Variants in ATP6V1G1 observed in about 807,000 individuals in gnomAD.
ATP6V1G1 encodes the protein V-type proton ATPase subunit G 1.
Under a neutral mutation model 14.2 loss-of-function variants are expected in ATP6V1G1, and 14 were observed. The observed-to-expected ratio is 0.99, with a 90% CI of 0.65 to 1.55. The LOEUF (loss-of-function observed/expected upper bound fraction) is 1.55, where lower values mean the gene tolerates loss of function less well. Among genes scored for constraint, ATP6V1G1 ranks in the 40% most tolerant of loss-of-function variants. The pLI is 0.00. For synonymous variants in ATP6V1G1, 65 were observed against 53.3 expected (o/e 1.22, Z -0.96); for missense variants, 137 against 146.4 (o/e 0.94, Z 0.33).
chr9:114,596,088 A>C (rs1845234667), intron 2 of ATP6V1G1, among the ~76,000 whole-genome samples: 2 of 152,108 alleles, frequency 1.3e-5, no homozygotes, highest in African/African-American at 4.8e-5. Flanking sequence ...TGAAATTGCT[A>C]AGAGAAACTG....
At position 114,597,613 on chromosome 9, in the gene ATP6V1G1, A is replaced by C; in HGVS notation, c.227A>C (p.Glu76Ala). Residue 76 changes from glutamate to alanine, a missense_variant, in exon 3 of 3, where the codon GAG (glutamate) becomes GCG (alanine). Transcript: ENST00000374050. Reference protein sequence around the residue: ...RGSCSTEVEKETQEKMTILQT... With the variant: ...RGSCSTEVEKATQEKMTILQT... ...AGTTGCAGCACTGAAGTGGAGAAGGAGACCCAGGAGAAGATGACCATCCTC... is the reference window on the plus strand; with the variant it reads ...AGTTGCAGCACTGAAGTGGAGAAGGCGACCCAGGAGAAGATGACCATCCTC... The C allele has an allele frequency of 6.4e-7, 1 of 1,565,926 alleles. No homozygotes were observed. The highest frequency in any genetic ancestry group is 2.4e-5 in the East Asian group (1 of 41,788).
intron 2 of ATP6V1G1, among the ~76,000 whole-genome samples, chr9:114,596,523 A>G (rs1175093059): frequency 6.6e-6 from 1 of 152,182 alleles, no homozygotes; most frequent in Non-Finnish European, 1.5e-5. Flanking sequence ...TATATTTGCA[A>G]GAATAGATGT....
At chr9:114,588,580 A>G (rs1845152854) in intron 1 of ATP6V1G1, among the ~76,000 whole-genome samples, 1 of 151,548 alleles carries the variant, frequency 6.6e-6, no homozygotes, top group Non-Finnish European at 1.5e-5. Flanking sequence ...CCAGTGCATC[A>G]GTTGTCTCCC....
At chr9:114,589,917 G>T (rs1845165898) in intron 1 of ATP6V1G1, among the ~76,000 whole-genome samples, 1 of 152,128 alleles carries the variant, frequency 6.6e-6, no homozygotes. Context: ...TATTAATTTG[G>T]CTGGGCGTGG....
At chr9:114,594,861 C>CTTTTTTTT (rs71997716) in intron 2 of ATP6V1G1, among the ~76,000 whole-genome samples, 8 of 110,554 alleles carry the variant, frequency 7.2e-5, no homozygotes, top group Admixed American at 2.0e-4. Context: ...TTCTTTTTTT[C>CTTTTTTTT]TTTTTTTTTT....
chr9:114,593,811 C>T (rs1845207628), intron 2 of ATP6V1G1, among the ~76,000 whole-genome samples: 1 of 152,056 alleles, frequency 6.6e-6, no homozygotes, highest in African/African-American at 2.4e-5. Flanking sequence ...TAAAACGTGG[C>T]TGGGCATAGT....
intron 1 of ATP6V1G1, among the ~76,000 whole-genome samples, chr9:114,590,473 T>G (rs1314197351): frequency 6.6e-6 from 1 of 151,726 alleles, no homozygotes; most frequent in Non-Finnish European, 1.5e-5. Context: ...AAAAATAAAT[T>G]TTTGTATTTT....
Position 114,597,610 on chromosome 9 carries a change from A to C in ATP6V1G1, c.224A>C (p.Lys75Thr). The change falls in exon 3 of 3, where the codon AAG (lysine) becomes ACG (threonine). Residue 75 changes from lysine (K) to threonine (T), a missense_variant. Lys to Thr is a moderately conservative substitution (Grantham distance 78). Coordinates refer to ENST00000374050, the MANE Select transcript of ATP6V1G1 (RefSeq NM_004888.4). ...SRGSCSTEVE[K>T]ETQEKMTILQ... is the part of the protein sequence containing the mutation. ...GGCAGTTGCAGCACTGAAGTGGAGA[A>C]GGAGACCCAGGAGAAGATGACCATC... 1.9e-6 allele frequency: 3 copies of C among 1,558,496 alleles called. No homozygotes were observed. Among genetic ancestry groups the C allele is most frequent in the Non-Finnish European group, 2.6e-6 (3 of 1,154,248 alleles).
At chr9:114,588,537 G>GTA (rs1845152067) in intron 1 of ATP6V1G1, among the ~76,000 whole-genome samples, 1 of 143,904 alleles carries the variant, frequency 6.9e-6, no homozygotes, top group Admixed American at 6.9e-5. Flanking sequence ...GTGTGTGTGT[G>GTA]TGTTTCTGTC....
chr9:114,597,540 T>C (rs745568729), intron 2 of ATP6V1G1, 30 bp from the exon 3 acceptor site: 3 of 1,447,692 alleles, frequency 2.1e-6, no homozygotes, highest in East Asian at 2.6e-5. Flanking sequence ...GTTCTGATAA[T>C]CCCTCCGTGA....
At chr9:114,589,701 T>C (rs1845164204) in intron 1 of ATP6V1G1, among the ~76,000 whole-genome samples, 1 of 152,226 alleles carries the variant, frequency 6.6e-6, no homozygotes, top group African/African-American at 2.4e-5. Context: ...ACAGTTTGTG[T>C]TCTGATGGCT....
intron 1 of ATP6V1G1, among the ~76,000 whole-genome samples, chr9:114,591,544 A>C (rs542122399): frequency 6.6e-6 from 1 of 152,122 alleles, no homozygotes; most frequent in Non-Finnish European, 1.5e-5. Flanking sequence ...ACTTGCAGAA[A>C]TAGTTCTTGG....
chr9:114,589,210 C>T (rs927683326), intron 1 of ATP6V1G1, among the ~76,000 whole-genome samples: 2 of 152,226 alleles, frequency 1.3e-5, no homozygotes, highest in African/African-American at 4.8e-5. Context: ...CTGCCACTGC[C>T]GTGCAATAAC....
At chr9:114,593,157 A>G (rs1031381613) in intron 2 of ATP6V1G1, among the ~76,000 whole-genome samples, 1 of 152,254 alleles carries the variant, frequency 6.6e-6, no homozygotes, top group Non-Finnish European at 1.5e-5. Context: ...AAAACAGATC[A>G]CAGAAAGCAT....
chr9:114,597,462 A>G, intron 2 of ATP6V1G1, 108 bp from the exon 3 acceptor site: 1 of 1,155,858 alleles, frequency 8.7e-7, no homozygotes, highest in Non-Finnish European at 1.2e-6. Flanking sequence ...GTATACTGAT[A>G]GGTGAGCCTG....
At chr9:114,593,011 A>C (rs1276898126) in intron 2 of ATP6V1G1, among the ~76,000 whole-genome samples, 1 of 152,232 alleles carries the variant, frequency 6.6e-6, no homozygotes. Context: ...AGTGCAAATC[A>C]TGCAGAGCTA....
rs537466598 is a variant in ATP6V1G1 at position 114,589,936 on chromosome 9, G to T, written c.82+2016G>T. ...AATTTGGCTGGGCGTGGTGGCTCAC[G>T]CCTGTAATCCCAGCACTTTGGGAGG... On this transcript the variant is annotated intron_variant, in intron 1 of 2. Transcript: ENST00000374050. Among the ~76,000 whole-genome samples, 18 of 152,206 alleles carry T rather than the reference G, an allele frequency of 1.2e-4. No homozygotes were observed. In the South Asian group the frequency reaches 3.5e-3, roughly 30 times the overall value.
intron 2 of ATP6V1G1, among the ~76,000 whole-genome samples, chr9:114,594,717 G>A (rs918262071): frequency 5.3e-5 from 8 of 151,888 alleles, no homozygotes; most frequent in South Asian, 2.1e-4. Flanking sequence ...TTTCTTTTTC[G>A]TGGCACAGGC....
intron 2 of ATP6V1G1, among the ~76,000 whole-genome samples, chr9:114,596,023 G>A (rs1349103747): frequency 6.6e-6 from 1 of 152,108 alleles, no homozygotes; most frequent in African/African-American, 2.4e-5. Flanking sequence ...TTAACAAAAA[G>A]CTGGCTGTAT....
Sources: gnomAD v4.1 joint callset for allele counts (sites outside exome capture counted in the v4.1 genomes callset) on GRCh38, gnomAD v4.1.1 for gene constraint, MANE v1.5 for transcripts, NCBI Gene and HGNC (gene_info 2026-07-23, HGNC 2026-07-21) for gene names.